ARHGEF4: variants seen among roughly 807,000 people sequenced by gnomAD.
The protein encoded by ARHGEF4 is Rho guanine nucleotide exchange factor 4, also known as APC-stimulated guanine nucleotide exchange factor 1.
In ARHGEF4, 119 loss-of-function variants were observed where a neutral mutation model predicts 162.0. The observed-to-expected ratio is 0.73, with a 90% CI of 0.63 to 0.86. ARHGEF4 has a LOEUF of 0.86. Ranked by LOEUF, ARHGEF4 falls within the 40% of genes least tolerant of loss-of-function variation. ARHGEF4 has a pLI of 0.00. For synonymous variants in ARHGEF4, 1,014 were observed against 979.9 expected (o/e 1.03, Z -0.65); for missense variants, 2,488 against 2,456.0 (o/e 1.01, Z -0.28).
At chr2:130,930,527 G>C (rs1682567738) in intron 2 of ARHGEF4, among the ~76,000 whole-genome samples, 1 of 152,306 alleles carries the variant, frequency 6.6e-6, no homozygotes, top group Non-Finnish European at 1.5e-5. Context: ...GTGAGCATCA[G>C]AGTCAAGCTA....
At chr2:130,843,485 G>C (rs1324265229) in intron 1 of ARHGEF4, among the ~76,000 whole-genome samples, 2 of 152,188 alleles carry the variant, frequency 1.3e-5, no homozygotes, top group African/African-American at 4.8e-5. Flanking sequence ...CCTGGGCTGT[G>C]CCTCCTGCTA....
intron 4 of ARHGEF4, among the ~76,000 whole-genome samples, chr2:130,975,663 A>G (rs2105233389): frequency 6.6e-6 from 1 of 152,072 alleles, no homozygotes; most frequent in East Asian, 1.9e-4. Flanking sequence ...CCTGCACCCC[A>G]CTTCTACAGA....
At chr2:131,011,208 T>G (rs1456783119) in intron 4 of ARHGEF4, among the ~76,000 whole-genome samples, 2 of 152,228 alleles carry the variant, frequency 1.3e-5, no homozygotes, top group Admixed American at 1.3e-4. Flanking sequence ...ATTTTCTTGA[T>G]AGTAAAACAA....
chr2:131,005,451 G>C lies in ARHGEF4; in HGVS notation c.3986-22494G>C, dbSNP rs563713638. Among the ~76,000 whole-genome samples, 16 of 152,278 alleles carry C rather than the reference G, an allele frequency of 1.1e-4. No homozygotes were observed. The East Asian group carries it at 2.5e-3, about 24-fold the overall frequency. ...TCCTCAGGCTCCCATGGGGCTCCAA[G>C]TCCCAGCTTTCTCCTGACATGGGAG... On this transcript the variant is annotated intron_variant, in intron 4 of 13. Coordinates refer to ENST00000409359, the MANE Select transcript of ARHGEF4 (RefSeq NM_001367493.1).
At chr2:130,975,426 C>A (rs1685639972) in intron 4 of ARHGEF4, among the ~76,000 whole-genome samples, 1 of 152,140 alleles carries the variant, frequency 6.6e-6, no homozygotes, top group Non-Finnish European at 1.5e-5. Flanking sequence ...TGGGCTCTAA[C>A]CTGCTGAGCC....
Position 130,914,500 on chromosome 2 carries a change from T to G in ARHGEF4, c.554T>G (p.Leu185Ter). 1 of 1,431,144 alleles carries G rather than the reference T, an allele frequency of 7.0e-7. No individual in the cohort carries two copies. Among genetic ancestry groups the G allele is most frequent in the South Asian group, 1.5e-5 (1 of 65,386 alleles). 88.7% of individuals were successfully genotyped at this position (1,431,144 alleles called of 1,614,324 possible). A position where few individuals can be genotyped will look rare whatever the true frequency, so the allele number is the denominator to read the frequency against. Residue 185 changes from leucine (L) to a stop codon, truncating the protein, a stop_gained, in exon 2 of 14, where the codon TTA (leucine) becomes TGA (stop). Coordinates refer to ENST00000409359, the MANE Select transcript of ARHGEF4 (RefSeq NM_001367493.1). LOFTEE classifies it high-confidence loss of function. ...GTTCCCCGACACACAGGGTGCTGCTTACAGAGGGCCACAGACAGCAGTGGT... is the reference window on the plus strand; with the variant it reads ...GTTCCCCGACACACAGGGTGCTGCTGACAGAGGGCCACAGACAGCAGTGGT... ...AGVPRHTGCC[L>*]QRATDSSGPE...
intron 13 of ARHGEF4, 25 bp from the exon 14 acceptor site, chr2:131,046,013 C>T (rs371164034): frequency 6.3e-7 from 1 of 1,598,374 alleles, no homozygotes; most frequent in Non-Finnish European, 8.5e-7. Context: ...GCACCCATGA[C>T]CCTCTGCTGT....
chr2:130,895,401 T>G (rs1680096290), intron 1 of ARHGEF4, among the ~76,000 whole-genome samples: 1 of 152,256 alleles, frequency 6.6e-6, no homozygotes, highest in South Asian at 2.1e-4. Context: ...TTACAAATCT[T>G]TGTGTGAACA....
chr2:130,951,926 A>G (rs1683984272), intron 4 of ARHGEF4, among the ~76,000 whole-genome samples: 1 of 151,970 alleles, frequency 6.6e-6, no homozygotes, highest in African/African-American at 2.4e-5. Context: ...ATGTGTCACC[A>G]TTTTCTTAGC....
intron 3 of ARHGEF4, among the ~76,000 whole-genome samples, chr2:130,936,773 A>G (rs1682965725): frequency 6.6e-6 from 1 of 152,036 alleles, no homozygotes; most frequent in African/African-American, 2.4e-5. Flanking sequence ...ATGTTTATCC[A>G]TCATTGAGTT....
At chr2:130,854,675 A>G (rs12463917) in intron 1 of ARHGEF4, among the ~76,000 whole-genome samples, 30,401 of 151,974 alleles carry the variant, frequency 0.2, 3,582 homozygotes, top group African/African-American at 0.3. Flanking sequence ...GAGGTTCCAC[A>G]CCAGGAGGGG....
intron 2 of ARHGEF4, among the ~76,000 whole-genome samples, chr2:130,928,529 T>G (rs900400445): frequency 6.6e-6 from 1 of 152,136 alleles, no homozygotes; most frequent in African/African-American, 2.4e-5. Context: ...GAAGGAGAAA[T>G]GGAAAGGGGA....
At position 130,992,906 on chromosome 2, in the gene ARHGEF4, A is replaced by C. The variant is rs546041176; in HGVS notation, c.3986-35039A>C. ...CGAGACCAGCCTGGCCAGCATGGCA[A>C]AACGCCGTCTCTACTAAAAATGCAA... is the stretch of plus-strand genomic sequence containing the variant. On this transcript the variant is annotated intron_variant, in intron 4 of 13. Transcript: ENST00000409359. 4.6e-5 allele frequency among the ~76,000 whole-genome samples: 7 copies of C among 152,306 alleles called. No individual in the cohort carries two copies. The South Asian group carries it at 1.5e-3, about 32-fold the overall frequency.
chr2:131,039,840 C>T, intron 6 of ARHGEF4, 176 bp from the exon 7 acceptor site: 3 of 1,412,782 alleles, frequency 2.1e-6, no homozygotes, highest in Non-Finnish European at 2.7e-6. Context: ...GTCGTCATTC[C>T]TCGGTCCAGG....
At chr2:130,994,437 T>C (rs1358360907) in intron 4 of ARHGEF4, among the ~76,000 whole-genome samples, 2 of 152,190 alleles carry the variant, frequency 1.3e-5, no homozygotes, top group African/African-American at 4.8e-5. Flanking sequence ...AAAAGCCAAA[T>C]ATAAATCAAT....
chr2:131,044,242 CCAGGAAATGGT>C, intron 11 of ARHGEF4, 46 bp from the exon 12 acceptor site: 2 of 1,595,062 alleles, frequency 1.3e-6, no homozygotes, highest in Non-Finnish European at 1.7e-6. Context: ...GTGGGAGCAG[CCAGGAAATGGT>C]CAGGGGAGCG....
intron 4 of ARHGEF4, among the ~76,000 whole-genome samples, chr2:131,009,955 T>TTTTTGTTTTGTTTTG (rs1000047149): frequency 2.0e-5 from 3 of 152,220 alleles, no homozygotes; most frequent in African/African-American, 7.2e-5. Context: ...TCTGAAGAGG[T>TTTTTGTTTTGTTTTG]TTTTGTTTTG....
chr2:130,837,972 A>C (rs949042233), intron 1 of ARHGEF4, among the ~76,000 whole-genome samples: 2 of 152,232 alleles, frequency 1.3e-5, no homozygotes, highest in Non-Finnish European at 2.9e-5. Context: ...AGGGGCAGGA[A>C]GCCAGGTGAC....
Position 130,897,923 on chromosome 2 carries a change from G to A in ARHGEF4, c.40-16063G>A, listed in dbSNP as rs555532528. 3.9e-5 allele frequency among the ~76,000 whole-genome samples: 6 copies of A among 152,316 alleles called. No homozygotes were observed. The South Asian group carries it at 6.2e-4, about 16-fold the overall frequency. ...GGCTGCAGATTGGCAAATACCGGGC[G>A]ACAGAAACTATTTTAGCTGCATTTG... is the stretch of plus-strand genomic sequence containing the variant. On this transcript the variant is annotated intron_variant, in intron 1 of 13. Coordinates refer to ENST00000409359, the MANE Select transcript of ARHGEF4 (RefSeq NM_001367493.1).
Sources: gnomAD v4.1 joint callset for allele counts (sites outside exome capture counted in the v4.1 genomes callset) on GRCh38, gnomAD v4.1.1 for gene constraint, MANE v1.5 for transcripts, NCBI Gene and HGNC (gene_info 2026-07-23, HGNC 2026-07-21) for gene names.